TAF4: variants seen among roughly 807,000 people sequenced by gnomAD.
TAF4 encodes transcription initiation factor TFIID subunit 4.
In TAF4, 9 loss-of-function variants were observed where a neutral mutation model predicts 90.3. That is an observed-to-expected ratio of 0.10 (90% CI 0.06 to 0.17). TAF4 has a LOEUF of 0.17. Ranked by LOEUF, TAF4 falls within the 10% of genes least tolerant of loss-of-function variation. The pLI is 1.00. For synonymous variants in TAF4, 818 were observed against 638.9 expected (o/e 1.28, Z -4.23); for missense variants, 1,351 against 1,370.7 (o/e 0.99, Z 0.23).
chr20:61,980,170 G>T (rs2055530596), intron 14 of TAF4: 1 of 152,314 alleles, frequency 6.6e-6, no homozygotes, highest in Non-Finnish European at 1.5e-5. Context: ...CCCATCACAG[G>T]GCTCTCAAAA....
chr20:62,033,870 T>G (rs929982522), intron 1 of TAF4, among the ~76,000 whole-genome samples: 35 of 151,628 alleles, frequency 2.3e-4, no homozygotes, highest in Middle Eastern at 3.4e-3. Flanking sequence ...GTGAAACCCC[T>G]TCTCTACTAA....
rs567620562 is a variant in TAF4 at position 61,990,652 on chromosome 20, G to C, written c.3090+6898C>G. On this transcript the variant is annotated intron_variant, in intron 14 of 14. Coordinates refer to ENST00000252996, the MANE Select transcript of TAF4 (RefSeq NM_003185.4). ...GACCAGGGAGGGCAGCCTGGCCACC[G>C]CAAATGCCCACACTGACCTGCCAGG... Among the ~76,000 whole-genome samples, 24 of 152,208 alleles carry C rather than the reference G, an allele frequency of 1.6e-4. 1 individual carries two copies. In the South Asian group the frequency reaches 5.0e-3, roughly 32 times the overall value.
rs376945792 is a variant in TAF4, at chr20:62,006,537, G to A, written c.2196C>T (p.Val732=). ...LSLTQPTQVG[V]GKQGQPTPLV... ...GCGGTGTGGGTTGCCCCTGCTTGCC[G>A]ACGCCGACCTGCGTGGGCTGCGTGA... The change falls in exon 7 of 15, where the codon GTC becomes GTT. Residue 732 remains valine (V), a synonymous_variant. Transcript: ENST00000252996. This position sits in a 1 kb window ranked among gnomAD's most constrained non-coding sequence, Gnocchi z 7.0. The A allele has an allele frequency of 1.3e-5, 20 of 1,549,496 alleles. No homozygotes were observed. The highest frequency in any genetic ancestry group is 2.4e-5 in the East Asian group (1 of 41,592).
At chr20:62,056,854 T>A (rs779222697) in intron 1 of TAF4, among the ~76,000 whole-genome samples, 2 of 152,186 alleles carry the variant, frequency 1.3e-5, no homozygotes, top group Admixed American at 6.5e-5. Flanking sequence ...TAACTAATAA[T>A]TTTTTACACT....
chr20:61,988,027 C>T (rs1600828353), intron 14 of TAF4, among the ~76,000 whole-genome samples: 1 of 152,110 alleles, frequency 6.6e-6, no homozygotes, highest in African/African-American at 2.4e-5. Flanking sequence ...AACTAGGAGA[C>T]AATAAGATCC....
intron 1 of TAF4, among the ~76,000 whole-genome samples, chr20:62,041,767 TA>T (rs58834929): frequency 2.0e-3 from 288 of 140,690 alleles, no homozygotes; most frequent in African/African-American, 3.3e-3. Flanking sequence ...CCCTTCTCTC[TA>T]AAAAAAAAAA....
In TAF4 at chr20:61,982,672, C is replaced by A. The variant is rs78057824; in HGVS notation, c.3091-6337G>T. Among the ~76,000 whole-genome samples, 21 of 88,920 alleles carry A rather than the reference C, an allele frequency of 2.4e-4. 1 individual carries two copies. The highest frequency in any genetic ancestry group is 9.3e-4 in the African/African-American group (21 of 22,544). 58.3% of individuals were successfully genotyped at this position (88,920 alleles called of 152,430 possible). On this transcript the variant is annotated intron_variant, in intron 14 of 14. Transcript: ENST00000252996. ...CACCCGAGAGGAGACACCAAACCCACACCCCACCTGAGAGGAGACACCAAA... is the reference window on the plus strand; with the variant it reads ...CACCCGAGAGGAGACACCAAACCCAAACCCCACCTGAGAGGAGACACCAAA...
At chr20:62,043,370 G>A (rs1262675877) in intron 1 of TAF4, among the ~76,000 whole-genome samples, 2 of 152,192 alleles carry the variant, frequency 1.3e-5, no homozygotes, top group African/African-American at 4.8e-5. Flanking sequence ...TGTGTTTTAA[G>A]CTAAGTGTTA....
At chr20:62,063,333 C>A (rs1262649599) in intron 1 of TAF4, among the ~76,000 whole-genome samples, 7 of 152,226 alleles carry the variant, frequency 4.6e-5, no homozygotes. Flanking sequence ...GCAGGAGGGA[C>A]CCACGCTCTC....
At chr20:62,048,069 G>C (rs1283587454) in intron 1 of TAF4, among the ~76,000 whole-genome samples, 7 of 152,158 alleles carry the variant, frequency 4.6e-5, no homozygotes, top group African/African-American at 1.4e-4. Context: ...ACGGGGAAGG[G>C]TGTGTAGAAG....
intron 14 of TAF4, among the ~76,000 whole-genome samples, chr20:61,990,138 AG>A (rs2055622198): frequency 6.6e-6 from 1 of 152,156 alleles, no homozygotes; most frequent in African/African-American, 2.4e-5. Context: ...CTAAGGTATC[AG>A]CCGCACGAGC....
chr20:62,061,461 A>G (rs1306797097), intron 1 of TAF4, among the ~76,000 whole-genome samples: 1 of 152,262 alleles, frequency 6.6e-6, no homozygotes, highest in Non-Finnish European at 1.5e-5. Context: ...CAAATCTTAG[A>G]GCAAAAGGAG....
intron 14 of TAF4, among the ~76,000 whole-genome samples, chr20:61,986,620 T>C (rs1202821910): frequency 6.6e-6 from 1 of 152,272 alleles, no homozygotes; most frequent in East Asian, 1.9e-4. Context: ...TTCTGTGGTG[T>C]CATAAAGTCA....
At chr20:61,977,661 C>T (rs1464275459) in intron 14 of TAF4, among the ~76,000 whole-genome samples, 1 of 152,160 alleles carries the variant, frequency 6.6e-6, no homozygotes, top group Non-Finnish European at 1.5e-5. Context: ...AGACGCCCTG[C>T]GCTGTGAGGG....
intron 4 of TAF4, among the ~76,000 whole-genome samples, chr20:62,009,772 A>T (rs2055767647): frequency 6.6e-6 from 1 of 152,256 alleles, no homozygotes; most frequent in Admixed American, 6.5e-5. Flanking sequence ...TGTTTTACAT[A>T]CAACGCGACA....
At chr20:62,009,926 T>G (rs1376199729) in intron 4 of TAF4, 120 bp downstream of exon 4, 4 of 1,492,330 alleles carry the variant, frequency 2.7e-6, no homozygotes, top group Non-Finnish European at 3.6e-6. Context: ...GTTCACTGCT[T>G]TGTGAAGCAA....
At chr20:62,053,445 G>C (rs73915547) in intron 1 of TAF4, among the ~76,000 whole-genome samples, 1 of 152,296 alleles carries the variant, frequency 6.6e-6, no homozygotes, top group East Asian at 1.9e-4. Flanking sequence ...AGGCAGGAGC[G>C]GCAGGGAAAC....
chr20:62,064,503 C>T lies in TAF4; in HGVS notation c.1308G>A (p.Leu436=). The change falls in exon 1 of 15, where the codon TTG becomes TTA. Residue 436 remains leucine, a synonymous_variant. Transcript: ENST00000252996. ...TGGTCGGGTTCTGAGGCGGCTGCGG[C>T]AAGCGGGGGGCCAGCACGGTGGGCG... ...TLTPTVLAPR[L]PQPPQNPTNI... 1 of 1,517,050 alleles carries T rather than the reference C, an allele frequency of 6.6e-7. No homozygotes were observed. Among genetic ancestry groups the T allele is most frequent in the Non-Finnish European group, 8.8e-7 (1 of 1,134,322 alleles). 94.0% of individuals were successfully genotyped at this position (1,517,050 alleles called of 1,614,324 possible).
At chr20:62,036,378 C>G (rs998976218) in intron 1 of TAF4, among the ~76,000 whole-genome samples, 1 of 152,198 alleles carries the variant, frequency 6.6e-6, no homozygotes, top group African/African-American at 2.4e-5. Context: ...GCATTTTACA[C>G]CCCCAGATTC....
Sources: gnomAD v4.1 joint callset for allele counts (sites outside exome capture counted in the v4.1 genomes callset) on GRCh38, gnomAD v4.1.1 for gene constraint, Gnocchi (gnomAD v3.1) non-coding constraint, MANE v1.5 for transcripts, NCBI Gene and HGNC (gene_info 2026-07-23, HGNC 2026-07-21) for gene names.